CDC25A: variants seen among roughly 807,000 people sequenced by gnomAD.
CDC25A encodes M-phase inducer phosphatase 1.
A neutral mutation model predicts 64.6 loss-of-function variants in CDC25A; 17 were observed. That is an observed-to-expected ratio of 0.26 (90% CI 0.18 to 0.39). The LOEUF is 0.39. CDC25A is among the 10% of genes least tolerant of loss of function. The pLI, the probability that CDC25A is intolerant of heterozygous loss-of-function variation, is 1.00. For missense variants in CDC25A, 473 were observed against 654.8 expected, an observed-to-expected ratio of 0.72 and a Z score of 3.03; for synonymous variants, 229 against 238.6, an observed-to-expected ratio of 0.96 and a Z score of 0.37.
At position 48,181,837 on chromosome 3, in the gene CDC25A, A is replaced by G. The variant is rs977799681; in HGVS notation, c.430-997T>C. 13 of 599,572 alleles carry G rather than the reference A, an allele frequency of 2.2e-5. No individual in the cohort carries two copies. The Middle Eastern group carries it at 2.3e-3, about 104-fold the overall frequency. 37.1% of individuals were successfully genotyped at this position (599,572 alleles called of 1,614,324 possible). Reference sequence around the variant, plus strand: ...AATGGCTAATATTACAGTGATTTCTATGCCAACACAGTACTAAGTACTTTC... The same window carrying G: ...AATGGCTAATATTACAGTGATTTCTGTGCCAACACAGTACTAAGTACTTTC... On this transcript the variant is annotated intron_variant, in intron 5 of 14. Coordinates refer to ENST00000302506, the MANE Select transcript of CDC25A (RefSeq NM_001789.3).
intron 14 of CDC25A, 111 bp from the exon 15 acceptor site, chr3:48,159,196 G>T: frequency 7.2e-7 from 1 of 1,398,520 alleles, no homozygotes; most frequent in South Asian, 1.3e-5. Flanking sequence ...GACCTAGGGA[G>T]CCAGTTCTAC....
intron 8 of CDC25A, 71 bp downstream of exon 8, chr3:48,177,300 T>C (rs1188764673): frequency 8.5e-7 from 1 of 1,171,720 alleles, no homozygotes; most frequent in Non-Finnish European, 1.3e-6. Flanking sequence ...TTGGCTATAC[T>C]CAACTAAGGA....
At chr3:48,186,356 G>A (rs1176013420) in intron 2 of CDC25A, among the ~76,000 whole-genome samples, 1 of 152,152 alleles carries the variant, frequency 6.6e-6, no homozygotes, top group African/African-American at 2.4e-5. Context: ...ATCACCTGAG[G>A]TTGTGAATTC....
chr3:48,162,260 T>C (rs2031800573), intron 13 of CDC25A, among the ~76,000 whole-genome samples: 1 of 137,370 alleles, frequency 7.3e-6, no homozygotes, highest in Non-Finnish European at 1.5e-5. Flanking sequence ...TGTGCAAGTA[T>C]AACCTTTGTG....
At chr3:48,183,859 A>C in intron 3 of CDC25A, 23 bp from the exon 4 acceptor site, 1 of 1,463,566 alleles carries the variant, frequency 6.8e-7, no homozygotes, top group East Asian at 2.3e-5. Context: ...CAGAAGGTAA[A>C]TAATGAGAAT....
chr3:48,181,390 T>A (rs961706113), intron 5 of CDC25A, among the ~76,000 whole-genome samples: 13 of 152,194 alleles, frequency 8.5e-5, no homozygotes, highest in Admixed American at 8.5e-4. Flanking sequence ...GATTCCACTT[T>A]ATGGAATGAA....
At chr3:48,162,370 C>T (rs942760825) in intron 13 of CDC25A, among the ~76,000 whole-genome samples, 9 of 151,878 alleles carry the variant, frequency 5.9e-5, no homozygotes, top group Non-Finnish European at 4.4e-5. Flanking sequence ...ACCACAGCCT[C>T]GACCTGCTGG....
At chr3:48,183,182 C>T (rs2032727054) in intron 4 of CDC25A, 152 bp from the exon 5 acceptor site, 1 of 611,630 alleles carries the variant, frequency 1.6e-6, no homozygotes. Context: ...GGCCAGGAAT[C>T]CACCTTGCCA....
Position 48,188,165 on chromosome 3 carries a change from G to A in CDC25A, c.-218C>T, listed in dbSNP as rs1274178137. 8.4e-6 allele frequency: 3 copies of A among 357,830 alleles called. No homozygotes were observed. Among genetic ancestry groups the A allele is most frequent in the Non-Finnish European group, 1.5e-5 (3 of 203,016 alleles). The allele number at this position is 357,830 out of a possible 1,614,324, so 22.2% of individuals were successfully genotyped here. A position where few individuals can be genotyped will look rare whatever the true frequency, so the allele number is the denominator to read the frequency against. On this transcript the variant is annotated 5_prime_UTR_variant, in exon 1 of 15. Coordinates refer to ENST00000302506, the MANE Select transcript of CDC25A (RefSeq NM_001789.3). ...GCGCCAGCCACCAGCCACAGGCACG[G>A]GTGCTTCCCTCTCACACCGCGAGGC...
At chr3:48,162,375 T>C (rs956180254) in intron 13 of CDC25A, among the ~76,000 whole-genome samples, 3 of 151,818 alleles carry the variant, frequency 2.0e-5, no homozygotes, top group Non-Finnish European at 4.4e-5. Flanking sequence ...AGCCTCGACC[T>C]GCTGGGCTCA....
intron 9 of CDC25A, 100 bp from the exon 10 acceptor site, chr3:48,168,044 C>G: frequency 1.5e-6 from 1 of 675,738 alleles, no homozygotes; most frequent in Admixed American, 2.5e-5. Flanking sequence ...AATGTTAATG[C>G]CTACATTTAG....
chr3:48,177,871 C>T lies in CDC25A; in HGVS notation c.667G>A (p.Asp223Asn), dbSNP rs374368943. Residue 223 changes from aspartate (D) to asparagine (N), a missense_variant, in exon 7 of 15, where the codon GAT (aspartate) becomes AAT (asparagine). Asp to Asn is a conservative substitution (Grantham distance 23). Around this residue, in one of 2 missense-constraint regions of CDC25A, gnomAD observed 376 missense variants for 431.9 expected, o/e 0.87. Coordinates refer to ENST00000302506, the MANE Select transcript of CDC25A (RefSeq NM_001789.3). ...CACGGTACCTTCAGATTCTCTCCAT[C>T]GAGAAGGTCCACGAAGCCATCATCC... ...DEDDGFVDLL[D>N]GENLKNEEET... 5.5e-5 allele frequency: 89 copies of T among 1,613,790 alleles called. No individual in the cohort carries two copies. Among genetic ancestry groups the T allele is most frequent in the Non-Finnish European group, 7.4e-5 (87 of 1,179,978 alleles).
chr3:48,159,543 G>T, intron 13 of CDC25A, 88 bp from the exon 14 acceptor site: 2 of 844,764 alleles, frequency 2.4e-6, no homozygotes, highest in Non-Finnish European at 4.0e-6. Flanking sequence ...TGTGGTCTAA[G>T]TCCCCCTTAT....
At chr3:48,174,647 T>C in intron 8 of CDC25A, 190 bp from the exon 9 acceptor site, 1 of 546,362 alleles carries the variant, frequency 1.8e-6, no homozygotes, top group Admixed American at 3.5e-5. Flanking sequence ...GAGCACTTAG[T>C]GCTCAATGAA....
chr3:48,170,302 C>T (rs531590207), intron 9 of CDC25A, among the ~76,000 whole-genome samples: 1 of 152,322 alleles, frequency 6.6e-6, no homozygotes, highest in African/African-American at 2.4e-5. Flanking sequence ...CTCAAAACCA[C>T]ACCACCCTTC....
chr3:48,173,481 C>T (rs2032342828), intron 9 of CDC25A, among the ~76,000 whole-genome samples: 1 of 152,194 alleles, frequency 6.6e-6, no homozygotes, highest in African/African-American at 2.4e-5. Context: ...GCCTGCTCTC[C>T]CTAGGCAAAG....
chr3:48,186,561 C>T, intron 2 of CDC25A, 142 bp downstream of exon 2: 4 of 542,520 alleles, frequency 7.4e-6, no homozygotes, highest in South Asian at 4.1e-5. Flanking sequence ...AAGAGCGAAA[C>T]TCTGTCTCAA....
chr3:48,169,868 G>T (rs751969618), intron 9 of CDC25A, among the ~76,000 whole-genome samples: 1 of 152,074 alleles, frequency 6.6e-6, no homozygotes, highest in Non-Finnish European at 1.5e-5. Flanking sequence ...AATTAGCCAG[G>T]CGTGGTGGTG....
rs1205466574 is a variant in CDC25A at position 48,158,621 on chromosome 3, C to T, written c.*324G>A. On this transcript the variant is annotated 3_prime_UTR_variant, in exon 15 of 15. Transcript: ENST00000302506. ...TCTACTCCCCTCCGTCTCCTCTCCC[C>T]TCATGAGATGGCTGGAGCCCGATAA... The T allele has an allele frequency of 8.3e-6, 2 of 241,124 alleles. No individual in the cohort carries two copies. Among genetic ancestry groups the T allele is most frequent in the Non-Finnish European group, 1.6e-5 (2 of 123,862 alleles). The allele number at this position is 241,124 out of a possible 1,614,324, so 14.9% of individuals were successfully genotyped here. A position where few individuals can be genotyped will look rare whatever the true frequency, so the allele number is the denominator to read the frequency against.
Sources: gnomAD v4.1 joint callset for allele counts (sites outside exome capture counted in the v4.1 genomes callset) on GRCh38, gnomAD v4.1.1 for gene constraint, gnomAD v4.1.1 regional missense constraint, MANE v1.5 for transcripts, NCBI Gene and HGNC (gene_info 2026-07-23, HGNC 2026-07-21) for gene names.